CDKAL1: variants seen among roughly 807,000 people sequenced by gnomAD.
CDKAL1 encodes CDKAL1 threonylcarbamoyladenosine tRNA methylthiotransferase.
A neutral mutation model predicts 68.2 loss-of-function variants in CDKAL1; 32 were observed. That is an observed-to-expected ratio of 0.47 (90% confidence interval 0.35 to 0.63). The LOEUF is 0.63. CDKAL1 is among the 30% of genes least tolerant of loss of function. The probability of loss-of-function intolerance (pLI) is 0.00; values close to 1 mark genes in which losing one functional copy is unlikely to be tolerated. For synonymous variants in CDKAL1, 234 were observed against 244.3 expected (o/e 0.96, Z 0.39); for missense variants, 606 against 696.7 (o/e 0.87, Z 1.47).
chr6:20,755,020 A>G (rs1774107845), intron 6 of CDKAL1, among the ~76,000 whole-genome samples: 1 of 152,230 alleles, frequency 6.6e-6, no homozygotes, highest in Admixed American at 6.5e-5. Context: ...TCCATGTGCT[A>G]CAAGAGTGGA....
chr6:20,691,675 A>G (rs566104318), intron 5 of CDKAL1, among the ~76,000 whole-genome samples: 3 of 152,190 alleles, frequency 2.0e-5, no homozygotes, highest in African/African-American at 4.8e-5. Flanking sequence ...TCAGTTGTCA[A>G]TGCTTACATA....
At chr6:20,541,744 T>C (rs1763396718) in intron 2 of CDKAL1, among the ~76,000 whole-genome samples, 1 of 152,006 alleles carries the variant, frequency 6.6e-6, no homozygotes, top group Non-Finnish European at 1.5e-5. Flanking sequence ...AACCAAAACC[T>C]CTGCCTCCCG....
chr6:20,697,937 C>G (rs528830326), intron 5 of CDKAL1, among the ~76,000 whole-genome samples: 4 of 152,182 alleles, frequency 2.6e-5, no homozygotes. Context: ...GTTTGAGTTA[C>G]GTGCATCTCA....
intron 9 of CDKAL1, among the ~76,000 whole-genome samples, chr6:20,905,294 G>A (rs895317609): frequency 3.9e-5 from 6 of 152,120 alleles, no homozygotes; most frequent in Admixed American, 2.6e-4. Context: ...GAAAAATACC[G>A]TAACTGAAAT....
chr6:20,995,208 C>T lies in CDKAL1; in HGVS notation c.910-5019C>T, dbSNP rs569004613. On this transcript the variant is annotated intron_variant, in intron 10 of 15. Coordinates refer to ENST00000274695, the MANE Select transcript of CDKAL1 (RefSeq NM_017774.3). ...TACTTTCTCCATTGAAGTCTTGAACCCCTCAAAGTTATCCATGAGGGTTGA... is the reference window on the plus strand; with the variant it reads ...TACTTTCTCCATTGAAGTCTTGAACTCCTCAAAGTTATCCATGAGGGTTGA... 2.2e-4 allele frequency among the ~76,000 whole-genome samples: 34 copies of T among 152,234 alleles called. 1 individual carries two copies. The South Asian group carries it at 4.6e-3, about 20-fold the overall frequency.
chr6:21,100,547 G>C (rs1773530323), intron 12 of CDKAL1, among the ~76,000 whole-genome samples: 1 of 152,142 alleles, frequency 6.6e-6, no homozygotes, highest in African/African-American at 2.4e-5. Context: ...AAAAATATAT[G>C]GAATAGAGCC....
chr6:20,618,497 G>A (rs1767029928), intron 4 of CDKAL1, among the ~76,000 whole-genome samples: 1 of 152,124 alleles, frequency 6.6e-6, no homozygotes, highest in African/African-American at 2.4e-5. Flanking sequence ...CCATGCCTAT[G>A]TCCTGAATGA....
chr6:20,806,951 A>G (rs759696005), intron 8 of CDKAL1, among the ~76,000 whole-genome samples: 1 of 152,212 alleles, frequency 6.6e-6, no homozygotes, highest in Non-Finnish European at 1.5e-5. Context: ...ATCTGTGAAA[A>G]TGTAGAGTGT....
chr6:21,189,952 G>A (rs1400263074), intron 13 of CDKAL1, among the ~76,000 whole-genome samples: 1 of 152,132 alleles, frequency 6.6e-6, no homozygotes, highest in Non-Finnish European at 1.5e-5. Flanking sequence ...CATTAGCTAG[G>A]AAAGAACAAG....
intron 13 of CDKAL1, among the ~76,000 whole-genome samples, chr6:21,182,281 A>G (rs1190092607): frequency 6.6e-6 from 1 of 152,226 alleles, no homozygotes; most frequent in Non-Finnish European, 1.5e-5. Context: ...CAATTTTTCA[A>G]AAGGTTTCAG....
At chr6:20,544,947 G>A (rs1268812843) in intron 2 of CDKAL1, among the ~76,000 whole-genome samples, 3 of 146,494 alleles carry the variant, frequency 2.0e-5, no homozygotes, top group Non-Finnish European at 4.5e-5. Flanking sequence ...TAGCGTGCCT[G>A]GGGGTGGGAT....
intron 5 of CDKAL1, among the ~76,000 whole-genome samples, chr6:20,673,965 G>A (rs1769970819): frequency 6.6e-6 from 1 of 152,042 alleles, no homozygotes; most frequent in Admixed American, 6.6e-5. Context: ...TATGTTTTAT[G>A]TTCTTTGTTG....
intron 15 of CDKAL1, among the ~76,000 whole-genome samples, chr6:21,219,201 G>A (rs189901921): frequency 3.9e-5 from 6 of 152,258 alleles, no homozygotes; most frequent in Admixed American, 6.5e-5. Context: ...CAGGACCCCC[G>A]ATGGGTACCA....
At chr6:21,127,733 G>C (rs570218301) in intron 13 of CDKAL1, among the ~76,000 whole-genome samples, 1 of 152,298 alleles carries the variant, frequency 6.6e-6, no homozygotes, top group East Asian at 1.9e-4. Flanking sequence ...CTGGGTGACA[G>C]AGTGAGACTC....
At chr6:20,804,111 A>G (rs1303512443) in intron 8 of CDKAL1, among the ~76,000 whole-genome samples, 1 of 152,226 alleles carries the variant, frequency 6.6e-6, no homozygotes, top group African/African-American at 2.4e-5. Context: ...TAACTACACT[A>G]TAACATTTTA....
At chr6:20,725,108 T>C (rs1217391601) in intron 5 of CDKAL1, among the ~76,000 whole-genome samples, 1 of 152,192 alleles carries the variant, frequency 6.6e-6, no homozygotes, top group African/African-American at 2.4e-5. Flanking sequence ...TATACTGATA[T>C]ATTCTGGAGT....
At chr6:21,202,137 C>G (rs1372895782) in intron 15 of CDKAL1, among the ~76,000 whole-genome samples, 1 of 152,160 alleles carries the variant, frequency 6.6e-6, no homozygotes, top group Non-Finnish European at 1.5e-5. Flanking sequence ...AGTACCGCTT[C>G]ACTCTGGCAA....
At chr6:20,834,949 A>G (rs756021160) in intron 8 of CDKAL1, among the ~76,000 whole-genome samples, 30 of 152,212 alleles carry the variant, frequency 2.0e-4, no homozygotes, top group Non-Finnish European at 4.0e-4. Context: ...ACACAAATCC[A>G]TGGAGTAGTG....
intron 8 of CDKAL1, among the ~76,000 whole-genome samples, chr6:20,820,148 A>G: frequency 6.6e-6 from 1 of 152,284 alleles, no homozygotes; most frequent in East Asian, 1.9e-4. Flanking sequence ...CATGGGCCTC[A>G]AAGTATGTAG....
Sources: allele counts gnomAD v4.1 joint callset (sites outside exome capture counted in the v4.1 genomes callset), GRCh38; gene constraint gnomAD v4.1.1; transcripts MANE v1.5; gene names NCBI Gene and HGNC (gene_info 2026-07-23, HGNC 2026-07-21).